The following DCBLD2 variants were observed in gnomAD, a reference collection of about 807,000 sequenced individuals.
The protein encoded by DCBLD2 is discoidin, CUB and LCCL domain containing 2, also known as discoidin, CUB and LCCL domain-containing protein 2.
Under a neutral mutation model 86.8 loss-of-function variants are expected in DCBLD2, and 54 were observed. The observed-to-expected ratio is 0.62, with a 90% CI of 0.50 to 0.78. The LOEUF (loss-of-function observed/expected upper bound fraction) is 0.78. Ranked by LOEUF, DCBLD2 falls within the 30% of genes least tolerant of loss-of-function variation. The pLI, the probability that DCBLD2 is intolerant of heterozygous loss-of-function variation, is 0.00. For missense variants in DCBLD2, 908 were observed against 954.2 expected (o/e 0.95, Z 0.64); for synonymous variants, 354 against 341.3 (o/e 1.04, Z -0.41).
At position 98,881,661 on chromosome 3, in the gene DCBLD2, A is replaced by G; in HGVS notation, c.312T>C (p.Arg104=). The change falls in exon 2 of 16, where the codon CGT becomes CGC. Residue 104 remains arginine (R), a synonymous_variant. Coordinates refer to ENST00000326840, the MANE Select transcript of DCBLD2 (RefSeq NM_080927.4). ...PNSTVCEWEI[R]VKMGERVRIK... The stretch of plus-strand genomic sequence containing the variant: ...TGCGAACTCTCTCTCCCATCTTTAC[A>G]CGGATCTCCCATTCACAAACAGTGC... The G allele has an allele frequency of 1.9e-6, 3 of 1,613,958 alleles. No individual in the cohort carries two copies. The highest frequency in any genetic ancestry group is 2.5e-6 in the Non-Finnish European group (3 of 1,179,884).
At chr3:98,806,901 C>T (rs1941849764) in intron 13 of DCBLD2, among the ~76,000 whole-genome samples, 1 of 152,136 alleles carries the variant, frequency 6.6e-6, no homozygotes, top group African/African-American at 2.4e-5. Flanking sequence ...TCCATCTCTT[C>T]TCCCTTTCCT....
chr3:98,855,976 A>G (rs1321120387), intron 2 of DCBLD2, among the ~76,000 whole-genome samples: 1 of 152,210 alleles, frequency 6.6e-6, no homozygotes, highest in African/African-American at 2.4e-5. Flanking sequence ...TATAGCTGGC[A>G]GTTTCTCATG....
chr3:98,896,187 A>C (rs1197423440), intron 1 of DCBLD2, among the ~76,000 whole-genome samples: 1 of 152,228 alleles, frequency 6.6e-6, no homozygotes, highest in East Asian at 1.9e-4. Context: ...GGAAATCATG[A>C]GTATCTCATC....
intron 13 of DCBLD2, among the ~76,000 whole-genome samples, chr3:98,803,811 G>A (rs2107422463): frequency 6.6e-6 from 1 of 152,204 alleles, no homozygotes; most frequent in East Asian, 1.9e-4. Flanking sequence ...ATCATGTAGT[G>A]TTTGTCTTTG....
intron 2 of DCBLD2, among the ~76,000 whole-genome samples, chr3:98,858,566 C>A (rs958517564): frequency 4.6e-5 from 7 of 152,218 alleles, no homozygotes; most frequent in Non-Finnish European, 1.0e-4. Flanking sequence ...TTACCTCACA[C>A]TAAAATGCTT....
At chr3:98,878,888 TTC>T (rs1943414894) in intron 2 of DCBLD2, among the ~76,000 whole-genome samples, 1 of 152,230 alleles carries the variant, frequency 6.6e-6, no homozygotes, top group Admixed American at 6.5e-5. Context: ...AAAGTATTAC[TTC>T]TTTTAATCTT....
At chr3:98,841,964 C>T (rs1330790535) in intron 3 of DCBLD2, among the ~76,000 whole-genome samples, 1 of 152,100 alleles carries the variant, frequency 6.6e-6, no homozygotes, top group Non-Finnish European at 1.5e-5. Flanking sequence ...ACTTGGGAGG[C>T]TGAGGCAGGA....
chr3:98,872,837 A>G (rs990660433), intron 2 of DCBLD2, among the ~76,000 whole-genome samples: 2 of 152,358 alleles, frequency 1.3e-5, no homozygotes, highest in East Asian at 1.9e-4. Context: ...TATAATATAC[A>G]TAACTTTGAA....
intron 2 of DCBLD2, among the ~76,000 whole-genome samples, chr3:98,852,013 T>C (rs909447054): frequency 2.0e-5 from 3 of 152,168 alleles, no homozygotes; most frequent in East Asian, 1.9e-4. Flanking sequence ...ATTCAGGACA[T>C]AGGCATGGGC....
At chr3:98,839,152 T>TCTTTCCTTCC (rs1942564545) in intron 3 of DCBLD2, among the ~76,000 whole-genome samples, 1 of 42,768 alleles carries the variant, frequency 2.3e-5, no homozygotes, top group African/African-American at 7.7e-5. Flanking sequence ...TCCTTCTTTC[T>TCTTTCCTTCC]TTCTTTCTTT....
At chr3:98,864,672 G>A (rs549018498) in intron 2 of DCBLD2, among the ~76,000 whole-genome samples, 1 of 152,298 alleles carries the variant, frequency 6.6e-6, no homozygotes, top group East Asian at 1.9e-4. Flanking sequence ...CTTGGACACA[G>A]GCAGGGGAAC....
intron 3 of DCBLD2, among the ~76,000 whole-genome samples, chr3:98,849,129 A>C (rs1270465949): frequency 2.0e-5 from 3 of 151,630 alleles, no homozygotes; most frequent in African/African-American, 7.3e-5. Context: ...AGATCACACC[A>C]CTGCACTCCA....
intron 14 of DCBLD2, 97 bp from the exon 15 acceptor site, chr3:98,800,813 C>A: frequency 4.6e-5 from 67 of 1,468,246 alleles, no homozygotes; most frequent in Non-Finnish European, 5.9e-5. Flanking sequence ...TAAGCCATTT[C>A]TATAACAAAT....
chr3:98,805,049 T>G (rs1941807069), intron 13 of DCBLD2: 1 of 152,380 alleles, frequency 6.6e-6, no homozygotes, highest in South Asian at 2.1e-4. Flanking sequence ...CTCTGTGTCG[T>G]TCCAATGTTA....
chr3:98,854,667 A>T (rs1576183231), intron 2 of DCBLD2, among the ~76,000 whole-genome samples: 2 of 152,250 alleles, frequency 1.3e-5, no homozygotes, highest in African/African-American at 4.8e-5. Context: ...AAGTATTTTA[A>T]ATTATGTTTT....
chr3:98,801,803 G>T (rs550408328), intron 13 of DCBLD2, 154 bp from the exon 14 acceptor site: 1 of 537,760 alleles, frequency 1.9e-6, no homozygotes, highest in Non-Finnish European at 3.3e-6. Flanking sequence ...AGAACATGCG[G>T]TGTTTGGTTT....
intron 2 of DCBLD2, among the ~76,000 whole-genome samples, chr3:98,871,829 G>A (rs575115642): frequency 7.3e-4 from 111 of 152,274 alleles, no homozygotes; most frequent in African/African-American, 2.3e-3. Context: ...CCATCTTTTA[G>A]AATAGTTTCA....
intron 9 of DCBLD2, 129 bp from the exon 10 acceptor site, chr3:98,812,611 T>A: frequency 2.9e-6 from 2 of 681,208 alleles, no homozygotes; most frequent in Non-Finnish European, 4.5e-6. Flanking sequence ...ATAATAAGGA[T>A]CAATTTTTAA....
intron 3 of DCBLD2, among the ~76,000 whole-genome samples, chr3:98,841,867 C>T (rs1942627350): frequency 6.6e-6 from 1 of 152,194 alleles, no homozygotes; most frequent in African/African-American, 2.4e-5. Flanking sequence ...TCGAGACCAT[C>T]CTGGCTAACA....
Sources: gnomAD v4.1 joint callset for allele counts (sites outside exome capture counted in the v4.1 genomes callset) on GRCh38, gnomAD v4.1.1 for gene constraint, MANE v1.5 for transcripts, NCBI Gene and HGNC (gene_info 2026-07-23, HGNC 2026-07-21) for gene names.